The following NCAPH variants were observed in gnomAD, a reference collection of about 807,000 sequenced individuals.
NCAPH encodes non-SMC condensin I complex subunit H.
A neutral mutation model predicts 85.5 loss-of-function variants in NCAPH; 38 were observed. That is an observed-to-expected ratio of 0.44 (90% CI 0.34 to 0.58). NCAPH has a LOEUF of 0.58. Among genes scored for constraint, NCAPH ranks in the 20% least tolerant of loss-of-function variants. The pLI, the probability that NCAPH is intolerant of heterozygous loss-of-function variation, is 0.01. For synonymous variants in NCAPH, 301 were observed against 335.1 expected (o/e 0.90, Z 1.11); for missense variants, 789 against 916.6 (o/e 0.86, Z 1.80).
chr2:96,335,941 G>A, intron 1 of NCAPH, 93 bp downstream of exon 1: 1 of 1,320,806 alleles, frequency 7.6e-7, no homozygotes, highest in Non-Finnish European at 9.9e-7. Context: ...TGGGCGGGGA[G>A]AGAGGATATG....
chr2:96,366,302 A>T (rs1229815659), intron 14 of NCAPH, among the ~76,000 whole-genome samples: 1 of 152,248 alleles, frequency 6.6e-6, no homozygotes, highest in Admixed American at 6.5e-5. Context: ...CAAATAAGGC[A>T]TATGAATGAA....
chr2:96,352,001 A>G lies in NCAPH; in HGVS notation c.891A>G (p.Val297=). ...EPLELPELGC[V]EMTDLKAPLQ... ...TCGAGTTGCCAGAGTTAGGTTGTGT[A>G]GAAATGACAGATTTAAAAGGTAAGT... Residue 297 remains valine, a synonymous_variant, in exon 7 of 18, where the codon GTA becomes GTG. Coordinates refer to ENST00000240423, the MANE Select transcript of NCAPH (RefSeq NM_015341.5). 6.2e-7 allele frequency: 1 copy of G among 1,611,054 alleles called. No homozygotes were observed. The highest frequency in any genetic ancestry group is 2.2e-5 in the East Asian group (1 of 44,890).
rs537040339 is a variant in NCAPH at position 96,376,614 on chromosome 2, G to A, written c.*3263G>A. On this transcript the variant is annotated 3_prime_UTR_variant, in exon 18 of 18. Transcript: ENST00000240423. ...GAGTGGGGCATTGTTCCCCTTCTTA[G>A]CACAGGATACTGGGTCATTTCAACA... 6.6e-6 allele frequency among the ~76,000 whole-genome samples: 1 copy of A among 152,286 alleles called. No homozygotes were observed. The highest frequency in any genetic ancestry group is 2.4e-5 in the African/African-American group (1 of 41,552).
At chr2:96,369,524 G>C in intron 17 of NCAPH, 24 bp downstream of exon 17, 3 of 1,585,486 alleles carry the variant, frequency 1.9e-6, no homozygotes, top group Non-Finnish European at 2.6e-6. Flanking sequence ...GTAAGCATGG[G>C]AGTATTAGAG....
At chr2:96,363,947 A>G (rs1261634379) in intron 12 of NCAPH, among the ~76,000 whole-genome samples, 2 of 151,998 alleles carry the variant, frequency 1.3e-5, no homozygotes, top group Non-Finnish European at 2.9e-5. Flanking sequence ...AGTAGCTGAG[A>G]CCACAGGCAC....
At chr2:96,335,892 G>T (rs985569427) in intron 1 of NCAPH, 44 bp downstream of exon 1, 42 of 1,431,944 alleles carry the variant, frequency 2.9e-5, no homozygotes, top group Non-Finnish European at 3.8e-5. Context: ...GGCCCCTAGC[G>T]AAGCAGTACT....
intron 1 of NCAPH, 107 bp from the exon 2 acceptor site, chr2:96,341,535 T>G: frequency 7.2e-7 from 1 of 1,391,398 alleles, no homozygotes; most frequent in Non-Finnish European, 9.8e-7. Flanking sequence ...GGAGAAGATC[T>G]CAGTGGACAG....
Position 96,342,839 on chromosome 2 carries a change from C to T in NCAPH, c.447C>T (p.Thr149=). 1 of 1,610,564 alleles carries T rather than the reference C, an allele frequency of 6.2e-7. No individual in the cohort carries two copies. Among genetic ancestry groups the T allele is most frequent in the South Asian group, 1.1e-5 (1 of 90,822 alleles). ...EILKQKDTEP[T]NFKVAAGTLD... is the part of the protein sequence containing the mutation. Reference sequence around the variant, plus strand: ...TTAAACAGAAAGACACCGAACCAACCAACTTTAAAGTAAGAAGGATGTCCA... The same window carrying T: ...TTAAACAGAAAGACACCGAACCAACTAACTTTAAAGTAAGAAGGATGTCCA... Residue 149 remains threonine (T), a synonymous_variant, in exon 4 of 18, where the codon ACC becomes ACT. Transcript: ENST00000240423.
At position 96,374,256 on chromosome 2, in the gene NCAPH, C is replaced by G. The variant is rs373331303; in HGVS notation, c.*905C>G. 3.3e-5 allele frequency among the ~76,000 whole-genome samples: 5 copies of G among 152,246 alleles called. No homozygotes were observed. The East Asian group carries it at 9.6e-4, about 29-fold the overall frequency. ...GCAATCTGCCTCCAGAGTCTGCTCT[C>G]GGCCATTGTGCTATGTGCTACCTGG... On this transcript the variant is annotated 3_prime_UTR_variant, in exon 18 of 18. Coordinates refer to ENST00000240423, the MANE Select transcript of NCAPH (RefSeq NM_015341.5).
chr2:96,355,050 A>C (rs544154361), intron 9 of NCAPH, among the ~76,000 whole-genome samples: 1 of 152,354 alleles, frequency 6.6e-6, no homozygotes, highest in African/African-American at 2.4e-5. Flanking sequence ...CGAGCAAGGC[A>C]GGGAAAACAA....
At chr2:96,356,984 T>C (rs917991575) in intron 9 of NCAPH, among the ~76,000 whole-genome samples, 7 of 152,214 alleles carry the variant, frequency 4.6e-5, no homozygotes, top group African/African-American at 7.2e-5. Flanking sequence ...GAGCTCCCTC[T>C]CTGTGCAGCA....
intron 12 of NCAPH, 32 bp from the exon 13 acceptor site, chr2:96,364,449 A>C (rs373480031): frequency 4.4e-5 from 64 of 1,445,212 alleles, no homozygotes; most frequent in Non-Finnish European, 5.9e-5. Context: ...GCTTTTAACA[A>C]AATAGCTTTC....
rs72939630 is a variant in NCAPH at position 96,374,359 on chromosome 2, A to G, written c.*1008A>G. Among the ~76,000 whole-genome samples, 278 of 152,288 alleles carry G rather than the reference A, an allele frequency of 1.8e-3. 2 individuals carry two copies. Among genetic ancestry groups the G allele is most frequent in the African/African-American group, 6.5e-3 (268 of 41,544 alleles). On this transcript the variant is annotated 3_prime_UTR_variant, in exon 18 of 18. Transcript: ENST00000240423. ...TCTCCACAGAATGCAGCACACACAC[A>G]AATGTACAAGTTCTTCCCCTAACCT...
At position 96,375,386 on chromosome 2, in the gene NCAPH, G is replaced by A. The variant is rs1437168843; in HGVS notation, c.*2035G>A. ...GTTGGTATTAAGAGATAGGGCCTTTGGGAGGTGATTAGGTTATGAGGGCAG... is the reference window on the plus strand; with the variant it reads ...GTTGGTATTAAGAGATAGGGCCTTTAGGAGGTGATTAGGTTATGAGGGCAG... On this transcript the variant is annotated 3_prime_UTR_variant, in exon 18 of 18. Transcript: ENST00000240423. Among the ~76,000 whole-genome samples, 1 of 152,154 alleles carries A rather than the reference G, an allele frequency of 6.6e-6. No individual in the cohort carries two copies. Among genetic ancestry groups the A allele is most frequent in the East Asian group, 1.9e-4 (1 of 5,196 alleles).
chr2:96,337,488 C>T (rs979334139), intron 1 of NCAPH, among the ~76,000 whole-genome samples: 8 of 151,802 alleles, frequency 5.3e-5, no homozygotes, highest in Admixed American at 3.3e-4. Flanking sequence ...GGTGCAATCT[C>T]GGCCCACTGC....
rs1204918570 is a variant in NCAPH, at chr2:96,374,368, A to G, written c.*1017A>G. On this transcript the variant is annotated 3_prime_UTR_variant, in exon 18 of 18. Transcript: ENST00000240423. ...AATGCAGCACACACACAAATGTACA[A>G]GTTCTTCCCCTAACCTCAGAGGAAT... Among the ~76,000 whole-genome samples the G allele has an allele frequency of 6.6e-6, 1 of 152,208 alleles. No individual in the cohort carries two copies. The highest frequency in any genetic ancestry group is 1.5e-5 in the Non-Finnish European group (1 of 68,044).
At position 96,339,331 on chromosome 2, in the gene NCAPH, G is replaced by A. The variant is rs529202218; in HGVS notation, c.20-2311G>A. Among the ~76,000 whole-genome samples, 63 of 152,096 alleles carry A rather than the reference G, an allele frequency of 4.1e-4. 1 individual carries two copies. The highest frequency in any genetic ancestry group is 1.6e-3 in the Admixed American group (24 of 15,274). On this transcript the variant is annotated intron_variant, in intron 1 of 17. Coordinates refer to ENST00000240423, the MANE Select transcript of NCAPH (RefSeq NM_015341.5). ...CTTTGGGCAGGGCGTGGTGGCTCAC[G>A]CCTGTAATTCCAGCACTCTGGGAAT...
At position 96,364,572 on chromosome 2, in the gene NCAPH, A is replaced by G. The variant is rs950025519; in HGVS notation, c.1679A>G (p.Asn560Ser). The G allele has an allele frequency of 2.5e-6, 4 of 1,612,214 alleles. No homozygotes were observed. The highest frequency in any genetic ancestry group is 2.2e-5 in the East Asian group (1 of 44,884). ...YDYNNPNDTS[N>S]FCPGLQAADS... The stretch of plus-strand genomic sequence containing the variant: ...TACAACAACCCTAACGACACCTCCA[A>G]CTTTTGCCCTGGATTACAGGTAAAG... The change falls in exon 13 of 18, where the codon AAC becomes AGC. Residue 560 changes from asparagine to serine, a missense_variant. Transcript: ENST00000240423.
chr2:96,368,237 G>A (rs1396338699), intron 15 of NCAPH, among the ~76,000 whole-genome samples: 1 of 152,202 alleles, frequency 6.6e-6, no homozygotes, highest in African/African-American at 2.4e-5. Context: ...TATTTATAAA[G>A]TTTTATCAAC....
Sources: gnomAD v4.1 joint callset for allele counts (sites outside exome capture counted in the v4.1 genomes callset) on GRCh38, gnomAD v4.1.1 for gene constraint, MANE v1.5 for transcripts, NCBI Gene and HGNC (gene_info 2026-07-23, HGNC 2026-07-21) for gene names.